Variants in RGS21 observed in about 807,000 individuals in gnomAD.
RGS21 encodes regulator of G protein signaling 21.
A neutral mutation model predicts 18.7 loss-of-function variants in RGS21; 19 were observed. That is an observed-to-expected ratio of 1.01 (90% CI 0.71 to 1.49). The LOEUF (loss-of-function observed/expected upper bound fraction) is 1.49. RGS21 is among the 40% of genes most tolerant of loss of function. RGS21 has a pLI of 0.00. For missense variants in RGS21, 194 were observed against 176.8 expected (o/e 1.10, Z -0.55); for synonymous variants, 56 against 57.8 (o/e 0.97, Z 0.14).
At chr1:192,341,236 C>G (rs1444175048) in intron 1 of RGS21, among the ~76,000 whole-genome samples, 2 of 152,036 alleles carry the variant, frequency 1.3e-5, no homozygotes, top group East Asian at 3.9e-4. Flanking sequence ...TAATTACACC[C>G]CATCCCCCAG....
intron 4 of RGS21, among the ~76,000 whole-genome samples, chr1:192,353,764 G>A (rs2102235132): frequency 6.6e-6 from 1 of 151,554 alleles, no homozygotes; most frequent in Non-Finnish European, 1.5e-5. Flanking sequence ...ACTAAATAGT[G>A]TAGCTATTAT....
chr1:192,346,702 T>C lies in RGS21; in HGVS notation c.12-611T>C, dbSNP rs74568721. ...ATTTTTGACTGCTTTGGAAAAGATA[T>C]TACTCTGTCTTGACAGATTCCTAGA... On this transcript the variant is annotated intron_variant, in intron 2 of 4. Transcript: ENST00000417209. Among the ~76,000 whole-genome samples the C allele has an allele frequency of 2.0e-3, 298 of 152,242 alleles. 1 individual carries two copies. Among genetic ancestry groups the C allele is most frequent in the African/African-American group, 6.8e-3 (283 of 41,578 alleles).
chr1:192,343,321 G>A (rs1240060771), intron 2 of RGS21, among the ~76,000 whole-genome samples: 1 of 151,848 alleles, frequency 6.6e-6, no homozygotes, highest in Non-Finnish European at 1.5e-5. Context: ...TAAATTATGA[G>A]ATGAATTAGA....
chr1:192,323,348 G>A (rs1421021141), intron 1 of RGS21, among the ~76,000 whole-genome samples: 4 of 152,142 alleles, frequency 2.6e-5, no homozygotes, highest in Non-Finnish European at 5.9e-5. Context: ...TTGCATTATG[G>A]AGTATGGCCT....
At chr1:192,349,217 C>G (rs1658998397) in intron 3 of RGS21, among the ~76,000 whole-genome samples, 1 of 152,046 alleles carries the variant, frequency 6.6e-6, no homozygotes, top group South Asian at 2.1e-4. Flanking sequence ...AGAGGAGAGG[C>G]AGGAAGGGTG....
At position 192,366,148 on chromosome 1, in the gene RGS21, C is replaced by T. The variant is rs777498733; in HGVS notation, c.*24C>T. ...GAGGAAGGTAAAAGTTAACTAATCA[C>T]TATACTTCAGGGCTACAATATTTTA... On this transcript the variant is annotated 3_prime_UTR_variant, in exon 5 of 5. Coordinates refer to ENST00000417209, the MANE Select transcript of RGS21 (RefSeq NM_001039152.3). The T allele has an allele frequency of 2.2e-6, 2 of 892,462 alleles. No individual in the cohort carries two copies. Among genetic ancestry groups the T allele is most frequent in the Non-Finnish European group, 3.5e-6 (2 of 571,000 alleles). The allele number at this position is 892,462 out of a possible 1,614,324, so 55.3% of individuals were successfully genotyped here.
At chr1:192,329,170 G>T (rs1378268653) in intron 1 of RGS21, among the ~76,000 whole-genome samples, 1 of 151,986 alleles carries the variant, frequency 6.6e-6, no homozygotes, top group Non-Finnish European at 1.5e-5. Flanking sequence ...ATATTGTCAG[G>T]TTTAACTGGA....
intron 1 of RGS21, among the ~76,000 whole-genome samples, chr1:192,330,727 T>C (rs932112290): frequency 6.6e-6 from 1 of 152,208 alleles, no homozygotes. Flanking sequence ...TGGAGAGTTA[T>C]AGATAAATGT....
At chr1:192,339,012 C>T (rs1658812377) in intron 1 of RGS21, among the ~76,000 whole-genome samples, 1 of 152,004 alleles carries the variant, frequency 6.6e-6, no homozygotes, top group Admixed American at 6.6e-5. Context: ...GTCTTAGTTT[C>T]CTCATATTTA....
chr1:192,364,225 C>A (rs776275264), intron 4 of RGS21, among the ~76,000 whole-genome samples: 1 of 152,110 alleles, frequency 6.6e-6, no homozygotes, highest in South Asian at 2.1e-4. Flanking sequence ...ATTTTCAGGC[C>A]TTTAAGATTA....
intron 3 of RGS21, 144 bp downstream of exon 3, chr1:192,347,533 A>C (rs537952080): frequency 5.8e-6 from 3 of 521,596 alleles, no homozygotes; most frequent in African/African-American, 3.9e-5. Flanking sequence ...AAAAATCCAA[A>C]ATCTAAATAG....
intron 1 of RGS21, among the ~76,000 whole-genome samples, chr1:192,317,551 T>A (rs1033198974): frequency 2.6e-5 from 4 of 151,820 alleles, no homozygotes; most frequent in African/African-American, 4.8e-5. Context: ...GGTGGCCAAT[T>A]ACCATACCTG....
At chr1:192,356,708 T>A (rs12037178) in intron 4 of RGS21, among the ~76,000 whole-genome samples, 7,434 of 151,804 alleles carry the variant, frequency 0.049, 375 homozygotes, top group East Asian at 0.3. Flanking sequence ...CATTTTATCC[T>A]ATTACTGTGA....
chr1:192,366,938 C>T lies in RGS21; in HGVS notation c.*814C>T, dbSNP rs973745437. ...TCAATTGTGGGGAAGTATCTATTCA[C>T]TCCTTCAGCACTGATACTTGTTTAT... On this transcript the variant is annotated 3_prime_UTR_variant, in exon 5 of 5. Transcript: ENST00000417209. 6.6e-6 allele frequency: 1 copy of T among 152,038 alleles called. No individual in the cohort carries two copies. Among genetic ancestry groups the T allele is most frequent in the Non-Finnish European group, 1.5e-5 (1 of 67,958 alleles). The allele number at this position is 152,038 out of a possible 1,614,324, so 9.4% of individuals were successfully genotyped here.
At position 192,347,335 on chromosome 1, in the gene RGS21, A is replaced by G. The variant is rs1398862457; in HGVS notation, c.34A>G (p.Thr12Ala). Residue 12 changes from threonine to alanine, a missense_variant, in exon 3 of 5, where the codon ACT (threonine) becomes GCT (alanine). By Grantham distance (58) the Thr-to-Ala change is moderately conservative. Coordinates refer to ENST00000417209, the MANE Select transcript of RGS21 (RefSeq NM_001039152.3). ...PVKCCFYRSP[T>A]AETMTWSENM... is the part of the protein sequence containing the mutation. ...TAGATGCTGTTTCTACAGGTCACCA[A>G]CTGCGGAAACAATGACATGGTCTGA... The G allele has an allele frequency of 6.2e-7, 1 of 1,608,066 alleles. No individual in the cohort carries two copies. Among genetic ancestry groups the G allele is most frequent in the South Asian group, 1.1e-5 (1 of 90,558 alleles).
chr1:192,332,177 A>G (rs934075620), intron 1 of RGS21, among the ~76,000 whole-genome samples: 3 of 152,160 alleles, frequency 2.0e-5, no homozygotes, highest in Non-Finnish European at 4.4e-5. Context: ...ATAAAGCTCC[A>G]TATTTAAAAG....
rs1406251748 is a variant in RGS21 at position 192,366,755 on chromosome 1, T to C, written c.*631T>C. ...CAATGGCATCACATATAAAATGTGA[T>C]GAGTTATGTATGAAAAGGCCTCAAG... On this transcript the variant is annotated 3_prime_UTR_variant, in exon 5 of 5. Coordinates refer to ENST00000417209, the MANE Select transcript of RGS21 (RefSeq NM_001039152.3). 6.6e-6 allele frequency: 1 copy of C among 152,048 alleles called. No individual in the cohort carries two copies. Among genetic ancestry groups the C allele is most frequent in the Middle Eastern group, 3.2e-3 (1 of 316 alleles). 9.4% of individuals were successfully genotyped at this position (152,048 alleles called of 1,614,324 possible). A position where few individuals can be genotyped will look rare whatever the true frequency, so the allele number is the denominator to read the frequency against.
intron 1 of RGS21, among the ~76,000 whole-genome samples, chr1:192,334,504 T>C (rs1571452736): frequency 1.3e-5 from 2 of 152,144 alleles, no homozygotes; most frequent in South Asian, 4.1e-4. Context: ...AGTTATATCA[T>C]GGAAGGTCAC....
At chr1:192,365,790 A>G (rs1189187826) in intron 4 of RGS21, 131 bp from the exon 5 acceptor site, 2 of 564,280 alleles carry the variant, frequency 3.5e-6, no homozygotes, top group East Asian at 6.5e-5. Context: ...TAGAAAATGA[A>G]TACATGAACT....
Sources: allele counts gnomAD v4.1 joint callset (sites outside exome capture counted in the v4.1 genomes callset), GRCh38; gene constraint gnomAD v4.1.1; transcripts MANE v1.5; gene names NCBI Gene and HGNC (gene_info 2026-07-23, HGNC 2026-07-21).